NELL2: variants seen among roughly 807,000 people sequenced by gnomAD.
NELL2 encodes neural EGFL like 2, also known as protein kinase C-binding protein NELL2.
A neutral mutation model predicts 109.6 loss-of-function variants in NELL2; 41 were observed. The observed-to-expected ratio is 0.37, with a 90% CI of 0.29 to 0.49. The LOEUF is 0.49. Ranked by LOEUF, NELL2 falls within the 20% of genes least tolerant of loss-of-function variation. The pLI is 0.98. For synonymous variants in NELL2, 355 were observed against 344.7 expected (o/e 1.03, Z -0.33); for missense variants, 900 against 1,008.3 (o/e 0.89, Z 1.45).
intron 2 of NELL2, among the ~76,000 whole-genome samples, chr12:44,827,257 A>G (rs1947662498): frequency 1.3e-5 from 2 of 152,156 alleles, no homozygotes; most frequent in Admixed American, 1.3e-4. Flanking sequence ...ATCAGGGTAA[A>G]TGGGGTATCC....
chr12:44,634,237 T>C (rs968552365), intron 13 of NELL2, among the ~76,000 whole-genome samples: 2 of 152,178 alleles, frequency 1.3e-5, no homozygotes, highest in African/African-American at 4.8e-5. Flanking sequence ...GTTTGTTACA[T>C]AGGTATACAT....
At chr12:44,664,502 T>C (rs183376228) in intron 13 of NELL2, among the ~76,000 whole-genome samples, 1 of 152,102 alleles carries the variant, frequency 6.6e-6, no homozygotes, top group Non-Finnish European at 1.5e-5. Flanking sequence ...AATGAAGACT[T>C]AGAAGCAGAC....
At chr12:44,689,335 G>A (rs1948830095) in intron 12 of NELL2, among the ~76,000 whole-genome samples, 1 of 152,092 alleles carries the variant, frequency 6.6e-6, no homozygotes, top group African/African-American at 2.4e-5. Flanking sequence ...AGCATCTTCA[G>A]TCTTCAGAAG....
Position 44,532,466 on chromosome 12 carries a change from A to G in NELL2, c.1804+115T>C, listed in dbSNP as rs1592078405. The G allele has an allele frequency of 4.1e-6, 4 of 981,808 alleles. No individual in the cohort carries two copies. The East Asian group carries it at 1.0e-4, about 25-fold the overall frequency. 60.8% of individuals were successfully genotyped at this position (981,808 alleles called of 1,614,324 possible). A position where few individuals can be genotyped will look rare whatever the true frequency, so the allele number is the denominator to read the frequency against. ...TTAACACATTTCCAATCACTGTTGTATACACATATAGTAAAAACACTAACA... is the reference window on the plus strand; with the variant it reads ...TTAACACATTTCCAATCACTGTTGTGTACACATATAGTAAAAACACTAACA... On this transcript the variant is annotated intron_variant, in intron 16 of 19. Transcript: ENST00000429094.
At chr12:44,753,536 G>C (rs1245644539) in intron 9 of NELL2, among the ~76,000 whole-genome samples, 1 of 152,174 alleles carries the variant, frequency 6.6e-6, no homozygotes, top group East Asian at 1.9e-4. Flanking sequence ...TATTTTTGGG[G>C]AACAGTGAGT....
At chr12:44,742,921 C>A (rs147691426) in intron 9 of NELL2, among the ~76,000 whole-genome samples, 4 of 152,096 alleles carry the variant, frequency 2.6e-5, no homozygotes, top group Non-Finnish European at 5.9e-5. Flanking sequence ...GCAAGGCAGA[C>A]CAACATTCAG....
chr12:44,682,294 G>C (rs1405122863), intron 12 of NELL2, among the ~76,000 whole-genome samples: 9 of 150,752 alleles, frequency 6.0e-5, no homozygotes, highest in African/African-American at 1.0e-4. Context: ...ATTTGTTTGA[G>C]TTCATTGTAG....
intron 12 of NELL2, among the ~76,000 whole-genome samples, chr12:44,673,060 G>C (rs1003233005): frequency 2.0e-5 from 3 of 152,182 alleles, no homozygotes; most frequent in Non-Finnish European, 4.4e-5. Context: ...GAGTAGTGTT[G>C]TGAGACAGAG....
intron 9 of NELL2, among the ~76,000 whole-genome samples, chr12:44,742,505 A>G (rs1045115878): frequency 6.6e-6 from 1 of 152,124 alleles, no homozygotes; most frequent in Non-Finnish European, 1.5e-5. Context: ...CGATCAAACT[A>G]CTCTGAGCTA....
At chr12:44,572,482 TA>T (rs1276293283) in intron 15 of NELL2, among the ~76,000 whole-genome samples, 4 of 152,198 alleles carry the variant, frequency 2.6e-5, no homozygotes, top group East Asian at 1.9e-4. Flanking sequence ...TTGATTTTCT[TA>T]AAAAAATGTG....
chr12:44,667,886 G>C (rs911363312), intron 12 of NELL2, among the ~76,000 whole-genome samples: 1 of 152,164 alleles, frequency 6.6e-6, no homozygotes, highest in African/African-American at 2.4e-5. Flanking sequence ...GAGACCCTGG[G>C]CCCTCACAGG....
At chr12:44,644,612 A>G (rs1280037729) in intron 13 of NELL2, among the ~76,000 whole-genome samples, 51 of 94,508 alleles carry the variant, frequency 5.4e-4, no homozygotes, top group East Asian at 2.3e-3. Context: ...ATGTATGTAT[A>G]TATATATATA....
intron 9 of NELL2, among the ~76,000 whole-genome samples, chr12:44,760,899 T>C (rs2136548594): frequency 6.6e-6 from 1 of 152,188 alleles, no homozygotes; most frequent in East Asian, 1.9e-4. Flanking sequence ...ATCAATTACG[T>C]GAAATTTTAC....
At chr12:44,773,525 G>T (rs528833768) in intron 9 of NELL2, among the ~76,000 whole-genome samples, 79 of 152,020 alleles carry the variant, frequency 5.2e-4, no homozygotes, top group African/African-American at 1.9e-3. Flanking sequence ...CCTTGCTATT[G>T]TATTATGAAT....
chr12:44,514,454 CAGAGAGAGATAG>C (rs1012855424), intron 19 of NELL2, among the ~76,000 whole-genome samples: 5 of 151,728 alleles, frequency 3.3e-5, no homozygotes, highest in Admixed American at 3.3e-4. Context: ...AACATTTTGA[CAGAGAGAGATAG>C]AGAGAGAGAC....
intron 3 of NELL2, among the ~76,000 whole-genome samples, chr12:44,805,270 G>A (rs1305592436): frequency 6.6e-6 from 1 of 151,774 alleles, no homozygotes; most frequent in Non-Finnish European, 1.5e-5. Flanking sequence ...TTATTCCCAA[G>A]AATGAAGTTT....
intron 1 of NELL2, among the ~76,000 whole-genome samples, chr12:44,888,055 T>G (rs1945494085): frequency 6.6e-6 from 1 of 152,046 alleles, no homozygotes; most frequent in Non-Finnish European, 1.5e-5. Context: ...CTTCTGCATA[T>G]GTTTACCCAA....
chr12:44,587,307 A>ATATATATATAT (rs1302978950), intron 15 of NELL2, among the ~76,000 whole-genome samples: 3 of 96,642 alleles, frequency 3.1e-5, no homozygotes, highest in African/African-American at 1.3e-4. Context: ...ATATATATAT[A>ATATATATATAT]TTTTTTTTTA....
intron 15 of NELL2, among the ~76,000 whole-genome samples, chr12:44,604,006 T>A (rs1371579809): frequency 6.6e-6 from 1 of 152,062 alleles, no homozygotes; most frequent in Admixed American, 6.6e-5. Context: ...ATTCCTATAC[T>A]TGGAAATTTT....
Sources: allele counts gnomAD v4.1 joint callset (sites outside exome capture counted in the v4.1 genomes callset), GRCh38; gene constraint gnomAD v4.1.1; transcripts MANE v1.5; gene names NCBI Gene and HGNC (gene_info 2026-07-23, HGNC 2026-07-21).